PHLPP2: variants seen among roughly 807,000 people sequenced by gnomAD.
PHLPP2 encodes the protein PH domain and leucine rich repeat protein phosphatase 2, also known as PH domain leucine-rich repeat-containing protein phosphatase 2.
PHLPP2 carries 66 observed loss-of-function variants against 124.9 expected under a neutral mutation model. The ratio of observed to expected loss-of-function variants is 0.53; its 90% CI spans 0.43 to 0.65. The LOEUF (loss-of-function observed/expected upper bound fraction) is 0.65. Among genes scored for constraint, PHLPP2 ranks in the 30% least tolerant of loss-of-function variants. The pLI is 0.00. For missense variants in PHLPP2, 1,685 were observed against 1,600.4 expected, an observed-to-expected ratio of 1.05 and a Z score of -0.90; for synonymous variants, 681 against 624.7, an observed-to-expected ratio of 1.09 and a Z score of -1.34.
chr16:71,718,190 G>A (rs1445550201), intron 1 of PHLPP2, among the ~76,000 whole-genome samples: 1 of 152,064 alleles, frequency 6.6e-6, no homozygotes, highest in Non-Finnish European at 1.5e-5. Flanking sequence ...ACCACACCAG[G>A]CCTGATTTTT....
chr16:71,697,879 G>A (rs867738819), intron 3 of PHLPP2, among the ~76,000 whole-genome samples: 3 of 123,970 alleles, frequency 2.4e-5, no homozygotes, highest in Admixed American at 1.0e-4. Context: ...ATGGAGTCTT[G>A]CTCTGTCGCC....
At chr16:71,702,808 T>TTTTTAA in intron 2 of PHLPP2, 77 bp from the exon 3 acceptor site, 1 of 1,009,990 alleles carries the variant, frequency 9.9e-7, no homozygotes, top group Non-Finnish European at 1.4e-6. Context: ...AGTATTTTTA[T>TTTTTAA]TTGTATAAAT....
intron 2 of PHLPP2, among the ~76,000 whole-genome samples, chr16:71,706,022 C>A (rs749397136): frequency 1.3e-4 from 20 of 152,270 alleles, no homozygotes; most frequent in Admixed American, 1.3e-4. Context: ...GTTTAAGAAT[C>A]TGGTAATTAG....
At chr16:71,704,257 C>T (rs1164780555) in intron 2 of PHLPP2, among the ~76,000 whole-genome samples, 2 of 147,300 alleles carry the variant, frequency 1.4e-5, no homozygotes, top group Non-Finnish European at 3.0e-5. Context: ...TTGCAGTGAG[C>T]CGAGATGGTG....
Position 71,716,052 on chromosome 16 carries a change from A to G in PHLPP2, c.-6-1251T>C, listed in dbSNP as rs532602957. Among the ~76,000 whole-genome samples, 299 of 152,260 alleles carry G rather than the reference A, an allele frequency of 2.0e-3. 1 individual carries two copies. The highest frequency in any genetic ancestry group is 3.5e-3 in the Non-Finnish European group (235 of 68,010). On this transcript the variant is annotated intron_variant, in intron 1 of 18. Coordinates refer to ENST00000568954, the MANE Select transcript of PHLPP2 (RefSeq NM_015020.3). ...CACAGTATTGTCTTATCTAATTTAAACTTCATCTAATCCTTAACAATACTT... is the reference window on the plus strand; with the variant it reads ...CACAGTATTGTCTTATCTAATTTAAGCTTCATCTAATCCTTAACAATACTT...
At chr16:71,719,961 C>A (rs1303408467) in intron 1 of PHLPP2, among the ~76,000 whole-genome samples, 2 of 56,100 alleles carry the variant, frequency 3.6e-5, no homozygotes, top group African/African-American at 1.6e-4. Context: ...CCATGCCCAG[C>A]TAATTTTTTT....
chr16:71,712,234 T>C (rs1371878282), intron 2 of PHLPP2, among the ~76,000 whole-genome samples: 1 of 152,252 alleles, frequency 6.6e-6, no homozygotes, highest in Non-Finnish European at 1.5e-5. Flanking sequence ...ATTGAGCTCC[T>C]ACTCCAGCAA....
At chr16:71,665,520 G>A (rs1370515126) in intron 12 of PHLPP2, among the ~76,000 whole-genome samples, 2 of 152,086 alleles carry the variant, frequency 1.3e-5, no homozygotes, top group Non-Finnish European at 2.9e-5. Context: ...TGTGTTCTCA[G>A]GTCTTCTTCA....
At chr16:71,658,509 A>G in intron 14 of PHLPP2, 144 bp downstream of exon 14, 1 of 1,174,564 alleles carries the variant, frequency 8.5e-7, no homozygotes, top group Non-Finnish European at 1.2e-6. Flanking sequence ...CCCAAACTGG[A>G]GCACATAAGA....
At chr16:71,690,090 A>C (rs1393867897) in intron 4 of PHLPP2, among the ~76,000 whole-genome samples, 1 of 152,226 alleles carries the variant, frequency 6.6e-6, no homozygotes, top group Admixed American at 6.5e-5. Flanking sequence ...CCTCTAGGAC[A>C]GATGGAAGAA....
rs149307531 is a variant in PHLPP2 at position 71,663,603 on chromosome 16, A to C, written c.1985+296T>G. On this transcript the variant is annotated intron_variant, in intron 13 of 18. Coordinates refer to ENST00000568954, the MANE Select transcript of PHLPP2 (RefSeq NM_015020.3). ...AAAACAGTGCTGACAAGAGAAAAGA[A>C]AAAATTGTCTTCAGAATCTGTTTCA... Among the ~76,000 whole-genome samples the C allele has an allele frequency of 1.4e-4, 21 of 152,368 alleles. No individual in the cohort carries two copies. The East Asian group carries it at 3.3e-3, about 24-fold the overall frequency.
chr16:71,667,356 A>AACAC, intron 11 of PHLPP2, 23 bp from the exon 12 acceptor site: 5 of 1,585,780 alleles, frequency 3.2e-6, no homozygotes, highest in Non-Finnish European at 3.5e-6. Flanking sequence ...CATACAAACA[A>AACAC]ACACATTAAA....
intron 18 of PHLPP2, 28 bp downstream of exon 18, chr16:71,652,762 G>T (rs1317944915): frequency 2.0e-6 from 3 of 1,538,392 alleles, no homozygotes; most frequent in African/African-American, 2.7e-5. Context: ...TTGGGGAGCA[G>T]AAGTGACTGG....
At chr16:71,723,686 G>T (rs2045413130) in intron 1 of PHLPP2, 3 of 595,464 alleles carry the variant, frequency 5.0e-6, no homozygotes, top group African/African-American at 3.9e-5. Context: ...GGGCGGCAGC[G>T]GCCTCTAGCC....
intron 3 of PHLPP2, among the ~76,000 whole-genome samples, chr16:71,697,812 TCTCTC>T (rs1278949809): frequency 2.7e-5 from 4 of 146,174 alleles, no homozygotes; most frequent in Admixed American, 2.1e-4. Context: ...TCTCTCTCTC[TCTCTC>T]TTTTTTTTTT....
At chr16:71,695,430 C>T (rs1327378782) in intron 3 of PHLPP2, among the ~76,000 whole-genome samples, 3 of 152,114 alleles carry the variant, frequency 2.0e-5, no homozygotes, top group Non-Finnish European at 4.4e-5. Context: ...TATACAGGGC[C>T]GGGCACAGTG....
intron 3 of PHLPP2, among the ~76,000 whole-genome samples, chr16:71,697,746 A>C (rs1052073021): frequency 2.6e-5 from 4 of 151,920 alleles, no homozygotes; most frequent in African/African-American, 9.7e-5. Flanking sequence ...AACTTCCCTC[A>C]CAAATCATAC....
chr16:71,674,430 A>G (rs2044925211), intron 9 of PHLPP2, among the ~76,000 whole-genome samples: 1 of 151,450 alleles, frequency 6.6e-6, no homozygotes, highest in African/African-American at 2.4e-5. Flanking sequence ...TACCAAGAGT[A>G]AACATCATCC....
At chr16:71,679,365 A>T in intron 7 of PHLPP2, 24 bp downstream of exon 7, 1 of 1,606,542 alleles carries the variant, frequency 6.2e-7, no homozygotes, top group Non-Finnish European at 8.5e-7. Flanking sequence ...AAGGGAAAAG[A>T]GGAATCTAGT....
Sources: gnomAD v4.1 joint callset for allele counts (sites outside exome capture counted in the v4.1 genomes callset) on GRCh38, gnomAD v4.1.1 for gene constraint, MANE v1.5 for transcripts, NCBI Gene and HGNC (gene_info 2026-07-23, HGNC 2026-07-21) for gene names.